PPP6R2: variants seen among roughly 807,000 people sequenced by gnomAD.
PPP6R2 encodes protein phosphatase 6 regulatory subunit 2, also known as serine/threonine-protein phosphatase 6 regulatory subunit 2.
PPP6R2 carries 62 observed loss-of-function variants against 100.2 expected under a neutral mutation model. The observed-to-expected ratio is 0.62, with a 90% confidence interval of 0.50 to 0.76. The LOEUF (loss-of-function observed/expected upper bound fraction) is 0.76. PPP6R2 is among the 30% of genes least tolerant of loss of function. The pLI is 0.00. For missense variants in PPP6R2, 1,142 were observed against 1,276.3 expected (o/e 0.89, Z 1.60); for synonymous variants, 525 against 514.7 (o/e 1.02, Z -0.27).
At chr22:50,352,012 G>T (rs1029342319) in intron 1 of PPP6R2, among the ~76,000 whole-genome samples, 6 of 152,088 alleles carry the variant, frequency 3.9e-5, no homozygotes, top group Non-Finnish European at 7.4e-5. Flanking sequence ...AGCCAGGATG[G>T]TCTCCATCTC....
At chr22:50,439,632 G>A (rs373221236) in intron 19 of PPP6R2, 69 bp from the exon 20 acceptor site, 22 of 1,445,146 alleles carry the variant, frequency 1.5e-5, no homozygotes, top group African/African-American at 8.6e-5. Flanking sequence ...GGGCAGGGGC[G>A]CTGCCTCCCC....
At chr22:50,365,480 C>G (rs1052470163) in intron 1 of PPP6R2, among the ~76,000 whole-genome samples, 2 of 151,828 alleles carry the variant, frequency 1.3e-5, no homozygotes, top group Admixed American at 1.3e-4. Flanking sequence ...AGATCGAGAC[C>G]ATCCTGGCTA....
At chr22:50,432,680 G>T (rs1326272301) in intron 12 of PPP6R2, among the ~76,000 whole-genome samples, 1 of 152,220 alleles carries the variant, frequency 6.6e-6, no homozygotes, top group Non-Finnish European at 1.5e-5. Context: ...TCGCACACAG[G>T]GACGCGTTAT....
At chr22:50,336,998 C>T in the PPP6R2 span, among the ~76,000 whole-genome samples, 1 of 152,070 alleles carries the variant, frequency 6.6e-6, no homozygotes, top group African/African-American at 2.4e-5. Context: ...ATTTTTATAT[C>T]AAACTTTCCC....
the PPP6R2 span, among the ~76,000 whole-genome samples, chr22:50,335,821 A>G: frequency 4.2e-5 from 6 of 142,120 alleles, no homozygotes; most frequent in Admixed American, 1.4e-4. Context: ...GACTACAGGC[A>G]CCTGCCACCA....
intron 1 of PPP6R2, among the ~76,000 whole-genome samples, chr22:50,364,934 G>A (rs895228983): frequency 3.9e-5 from 6 of 152,000 alleles, no homozygotes; most frequent in Non-Finnish European, 7.4e-5. Flanking sequence ...TTTGGATTAA[G>A]AATGTTTTTA....
intron 2 of PPP6R2, among the ~76,000 whole-genome samples, chr22:50,372,847 C>T (rs1488774635): frequency 6.6e-6 from 1 of 151,834 alleles, no homozygotes; most frequent in African/African-American, 2.4e-5. Flanking sequence ...CACCACCACA[C>T]CTGGCTAATT....
intron 22 of PPP6R2, among the ~76,000 whole-genome samples, chr22:50,442,185 C>T (rs760337991): frequency 4.0e-4 from 61 of 152,358 alleles, no homozygotes; most frequent in South Asian, 4.1e-4. Flanking sequence ...TACCCTTCCC[C>T]CACAGGTGGG....
chr22:50,354,927 GCA>G (rs1404376272), intron 1 of PPP6R2, among the ~76,000 whole-genome samples: 1 of 147,712 alleles, frequency 6.8e-6, no homozygotes, highest in African/African-American at 2.5e-5. Context: ...GAGTGCAGTG[GCA>G]CAGTCACAGC....
rs771750073 is a variant in PPP6R2 at position 50,422,325 on chromosome 22, A to G, written c.917A>G (p.His306Arg). ...TACGCTGTCAGCAGCAGCGTACTACACGGCATCGAGCCTCGGCTGAAGGAC... is the reference window on the plus strand; with the variant it reads ...TACGCTGTCAGCAGCAGCGTACTACGCGGCATCGAGCCTCGGCTGAAGGAC... ...RSYAVSSSVLHGIEPRLKDFH... is the reference protein window; with the variant it reads ...RSYAVSSSVLRGIEPRLKDFH... Residue 306 changes from histidine (H) to arginine (R), a missense_variant, in exon 9 of 24, where the codon CAC becomes CGC. By Grantham distance (29) the His-to-Arg change is conservative (BLOSUM62 0). Transcript: ENST00000612753. 6 of 1,613,964 alleles carry G rather than the reference A, an allele frequency of 3.7e-6. No individual in the cohort carries two copies. The African/African-American group carries it at 5.3e-5, about 14-fold the overall frequency.
chr22:50,351,155 C>T (rs1301534136), intron 1 of PPP6R2, among the ~76,000 whole-genome samples: 1 of 143,136 alleles, frequency 7.0e-6, no homozygotes, highest in Non-Finnish European at 1.5e-5. Context: ...ATTCTCCTGC[C>T]TCAGCCTCCC....
the PPP6R2 span, among the ~76,000 whole-genome samples, chr22:50,335,832 C>T: frequency 7.4e-4 from 105 of 142,616 alleles, 19 homozygotes; most frequent in African/African-American, 2.4e-3. Flanking sequence ...CCTGCCACCA[C>T]GCCCGACTAA....
intron 2 of PPP6R2, among the ~76,000 whole-genome samples, chr22:50,385,101 C>A (rs1285735833): frequency 6.6e-6 from 1 of 152,152 alleles, no homozygotes; most frequent in Non-Finnish European, 1.5e-5. Context: ...CATTAATTCA[C>A]AAATGGATTA....
intron 13 of PPP6R2, 58 bp from the exon 14 acceptor site, chr22:50,436,309 G>T: frequency 6.7e-7 from 1 of 1,487,582 alleles, no homozygotes; most frequent in Non-Finnish European, 9.2e-7. Context: ...GCCCCCGGGT[G>T]CCCTGCACCA....
In PPP6R2 at chr22:50,437,757, C is replaced by A. The variant is rs534713654; in HGVS notation, c.1782-86C>A. 1.1e-4 allele frequency: 164 copies of A among 1,481,922 alleles called. No individual in the cohort carries two copies. The African/African-American group carries it at 2.1e-3, about 19-fold the overall frequency. 91.8% of individuals were successfully genotyped at this position (1,481,922 alleles called of 1,614,324 possible). On this transcript the variant is annotated intron_variant, in intron 16 of 23. Transcript: ENST00000612753. ...AGTTGTGTGAGGGTGCTGAGGCCCC[C>A]GATGAGCACCGGGGGAGGAGCACTG... is the stretch of plus-strand genomic sequence containing the variant.
chr22:50,389,809 G>C (rs529641700), intron 2 of PPP6R2, among the ~76,000 whole-genome samples: 22 of 151,590 alleles, frequency 1.5e-4, no homozygotes, highest in African/African-American at 5.3e-4. Flanking sequence ...GGCTGGTCTC[G>C]AACTCCTGAC....
At chr22:50,442,850 C>CCTAG (rs959111901) in intron 22 of PPP6R2, among the ~76,000 whole-genome samples, 1 of 150,416 alleles carries the variant, frequency 6.6e-6, no homozygotes, top group Non-Finnish European at 1.5e-5. Context: ...CCGCGCCTGG[C>CCTAG]CTAGTCACTG....
chr22:50,397,189 G>C (rs2057077101), intron 3 of PPP6R2, among the ~76,000 whole-genome samples: 1 of 152,150 alleles, frequency 6.6e-6, no homozygotes, highest in South Asian at 2.1e-4. Flanking sequence ...AAGATGCCCT[G>C]AGTAAACAAC....
At chr22:50,418,422 G>C (rs2060837012) in intron 6 of PPP6R2, among the ~76,000 whole-genome samples, 1 of 151,290 alleles carries the variant, frequency 6.6e-6, no homozygotes, top group African/African-American at 2.4e-5. Flanking sequence ...GTCTCGCTCT[G>C]TCACCCAGGC....
Sources: gnomAD v4.1 joint callset for allele counts (sites outside exome capture counted in the v4.1 genomes callset) on GRCh38, gnomAD v4.1.1 for gene constraint, MANE v1.5 for transcripts, NCBI Gene and HGNC (gene_info 2026-07-23, HGNC 2026-07-21) for gene names.